Variants in FABP6 observed in about 807,000 individuals in gnomAD.
FABP6 encodes fatty acid binding protein 6.
In FABP6, 13 loss-of-function variants were observed where a neutral mutation model predicts 14.9. That is an observed-to-expected ratio of 0.87 (90% CI 0.57 to 1.39). FABP6 has a LOEUF of 1.39. Ranked by LOEUF, FABP6 falls within the 40% of genes most tolerant of loss-of-function variation. The probability of loss-of-function intolerance (pLI) is 0.00; values close to 1 mark genes in which losing one functional copy is unlikely to be tolerated. For missense variants in FABP6, 161 were observed against 167.2 expected (o/e 0.96, Z 0.20); for synonymous variants, 75 against 63.6 (o/e 1.18, Z -0.85).
chr5:160,226,915 A>G (rs1760258996), upstream of FABP6, among the ~76,000 whole-genome samples: 1 of 152,218 alleles, frequency 6.6e-6, no homozygotes, highest in Non-Finnish European at 1.5e-5. Context: ...AAATACTACA[A>G]TCCTTTGTTC....
At chr5:160,202,939 T>C (rs551159687) in intron 2 of FABP6, among the ~76,000 whole-genome samples, 1 of 151,910 alleles carries the variant, frequency 6.6e-6, no homozygotes, top group Admixed American at 6.6e-5. Flanking sequence ...TTCACTCTTG[T>C]TGCCCAGACT....
intron 3 of FABP6, among the ~76,000 whole-genome samples, chr5:160,220,723 A>C (rs1271018049): frequency 6.6e-6 from 1 of 151,974 alleles, no homozygotes; most frequent in African/African-American, 2.4e-5. Context: ...AAATATCCTT[A>C]TGTTACAGTC....
chr5:160,188,135 G>A (rs1304686134), intron 1 of FABP6, among the ~76,000 whole-genome samples: 1 of 152,108 alleles, frequency 6.6e-6, no homozygotes, highest in Non-Finnish European at 1.5e-5. Flanking sequence ...ATTCACCCGG[G>A]AGAAAAGCAG....
rs536236755 is a variant in FABP6 at position 160,233,820 on chromosome 5, C to T, written c.244-1000C>T. On this transcript the variant is annotated intron_variant, in intron 2 of 3. Coordinates refer to ENST00000402432, the MANE Select transcript of FABP6 (RefSeq NM_001445.3). Reference sequence around the variant, plus strand: ...CCTGGAGGCGGAGGTTACAGTGAGCCGAGATCACACCATTGCACTCCAGCC... The same window carrying T: ...CCTGGAGGCGGAGGTTACAGTGAGCTGAGATCACACCATTGCACTCCAGCC... Among the ~76,000 whole-genome samples the T allele has an allele frequency of 4.1e-3, 620 of 150,868 alleles. 3 individuals carry two copies. The highest frequency in any genetic ancestry group is 0.013 in the African/African-American group (516 of 41,076).
intron 3 of FABP6, among the ~76,000 whole-genome samples, chr5:160,236,014 CTGTTTTT>C (rs377644703): frequency 0.015 from 2,205 of 145,812 alleles, 21 homozygotes; most frequent in South Asian, 0.023. Flanking sequence ...TCTCTCATGT[CTGTTTTT>C]TTTTTTTTTT....
chr5:160,219,031 GA>G (rs1297184973), intron 3 of FABP6, among the ~76,000 whole-genome samples: 1 of 152,196 alleles, frequency 6.6e-6, no homozygotes, highest in Non-Finnish European at 1.5e-5. Flanking sequence ...ATCATCATGG[GA>G]AAATATTGTT....
At chr5:160,205,978 C>T (rs530348841) in intron 2 of FABP6, among the ~76,000 whole-genome samples, 2 of 152,000 alleles carry the variant, frequency 1.3e-5, no homozygotes, top group Non-Finnish European at 2.9e-5. Flanking sequence ...TCTTTTCTTT[C>T]TTTTCTTTTT....
chr5:160,221,606 A>G (rs549579114), intron 3 of FABP6, among the ~76,000 whole-genome samples: 1 of 152,136 alleles, frequency 6.6e-6, no homozygotes, highest in African/African-American at 2.4e-5. Flanking sequence ...TTTCAGGGAG[A>G]TGGTGAATTT....
At chr5:160,219,689 A>T (rs1760091668) in intron 3 of FABP6, among the ~76,000 whole-genome samples, 1 of 1,702 alleles carries the variant, frequency 5.9e-4, no homozygotes, top group Non-Finnish European at 2.1e-3. Flanking sequence ...CAACTAAGGA[A>T]AAAAACAGCT....
chr5:160,228,585 C>T, upstream of FABP6: 1 of 455,364 alleles, frequency 2.2e-6, no homozygotes, highest in Admixed American at 2.4e-5. Context: ...ATTCTGAACC[C>T]CTAACCCCTT....
chr5:160,192,585 A>G (rs571169253), intron 1 of FABP6, among the ~76,000 whole-genome samples: 24 of 152,256 alleles, frequency 1.6e-4, no homozygotes, highest in Non-Finnish European at 1.8e-4. Context: ...TGCAGCAAAC[A>G]GAATCATCCA....
In FABP6 at chr5:160,218,325, G is replaced by A. The variant is rs532557497; in HGVS notation, c.135+4506G>A. ...TGAGACACAAAAAAATAAATAAGGTGCCCAAGGCCACAGAACCAGTAAGTG... is the reference window on the plus strand; with the variant it reads ...TGAGACACAAAAAAATAAATAAGGTACCCAAGGCCACAGAACCAGTAAGTG... On this transcript the variant is annotated intron_variant, in intron 3 of 6. Transcript: ENST00000393980. 1.6e-4 allele frequency among the ~76,000 whole-genome samples: 24 copies of A among 152,202 alleles called. No homozygotes were observed. The South Asian group carries it at 4.2e-3, about 26-fold the overall frequency.
intron 1 of FABP6, 102 bp downstream of exon 1, chr5:160,229,726 TTCAC>T (rs1162106976): frequency 2.3e-5 from 23 of 1,011,518 alleles, no homozygotes; most frequent in African/African-American, 9.5e-5. Flanking sequence ...CATCCATTCA[TTCAC>T]TCACTCACTC....
In FABP6 at chr5:160,236,803, C is replaced by G. The variant is rs1760526073; in HGVS notation, c.334-1803C>G. Among the ~76,000 whole-genome samples, 3 of 147,964 alleles carry G rather than the reference C, an allele frequency of 2.0e-5. No individual in the cohort carries two copies. The South Asian group carries it at 6.4e-4, about 32-fold the overall frequency. The stretch of plus-strand genomic sequence containing the variant: ...CCCAGCCAACATGGTGAAACCCGGT[C>G]TCTACTAAAAATACAAAAAAAAAAA... On this transcript the variant is annotated intron_variant, in intron 3 of 3. Transcript: ENST00000402432.
intron 1 of FABP6, among the ~76,000 whole-genome samples, chr5:160,190,811 T>C (rs1011774684): frequency 6.6e-6 from 1 of 152,128 alleles, no homozygotes; most frequent in Non-Finnish European, 1.5e-5. Context: ...GTTATTGTGA[T>C]CTTTTAAAAA....
At chr5:160,217,483 C>T (rs530262181) in intron 3 of FABP6, among the ~76,000 whole-genome samples, 17 of 152,272 alleles carry the variant, frequency 1.1e-4, no homozygotes, top group African/African-American at 4.1e-4. Context: ...TTGGACAGAG[C>T]ATCGTGGAAG....
At chr5:160,199,258 C>T in intron 2 of FABP6, 1 of 1,169,858 alleles carries the variant, frequency 8.5e-7, no homozygotes, top group Non-Finnish European at 1.3e-6. Flanking sequence ...GCTCGCCTTT[C>T]TCTGTGATGC....
chr5:160,214,324 T>C (rs1759969640), intron 3 of FABP6, among the ~76,000 whole-genome samples: 1 of 151,084 alleles, frequency 6.6e-6, no homozygotes, highest in African/African-American at 2.4e-5. Flanking sequence ...CCACCATGCC[T>C]GGTTAATTTT....
intron 3 of FABP6, among the ~76,000 whole-genome samples, chr5:160,214,518 T>C (rs1317959448): frequency 6.6e-6 from 1 of 151,018 alleles, no homozygotes; most frequent in Non-Finnish European, 1.5e-5. Context: ...CTCCCTGTGT[T>C]GCCCATGCTG....
Sources: allele counts gnomAD v4.1 joint callset (sites outside exome capture counted in the v4.1 genomes callset), GRCh38; gene constraint gnomAD v4.1.1; transcripts MANE v1.5; gene names NCBI Gene and HGNC (gene_info 2026-07-23, HGNC 2026-07-21).